The following RAB42 variants were observed in gnomAD, a reference collection of about 807,000 sequenced individuals.
RAB42 encodes ras-related protein Rab-42.
In RAB42, 4 loss-of-function variants were observed where a neutral mutation model predicts 7.5. The observed-to-expected ratio is 0.53, with a 90% confidence interval of 0.26 to 1.22. RAB42 has a LOEUF of 1.22. Ranked by LOEUF, RAB42 falls within the 50% of genes most tolerant of loss-of-function variation. The probability of loss-of-function intolerance (pLI) is 0.13; values close to 1 mark genes in which losing one functional copy is unlikely to be tolerated. For synonymous variants in RAB42, 82 were observed against 129.0 expected (o/e 0.64, Z 2.47); for missense variants, 208 against 281.2 (o/e 0.74, Z 1.86).
intron 1 of RAB42, 24 bp from the exon 2 acceptor site, chr1:28,593,670 C>G: frequency 6.6e-7 from 1 of 1,516,628 alleles, no homozygotes; most frequent in Non-Finnish European, 8.9e-7. Flanking sequence ...CCCAGCTTAC[C>G]TTTCCACCTC....
At position 28,594,156 on chromosome 1, in the gene RAB42, C is replaced by G; in HGVS notation, c.*39C>G. 1.3e-6 allele frequency: 2 copies of G among 1,515,014 alleles called. No individual in the cohort carries two copies. Among genetic ancestry groups the G allele is most frequent in the East Asian group, 4.6e-5 (2 of 43,878 alleles). The allele number at this position is 1,515,014 out of a possible 1,614,324, so 93.8% of individuals were successfully genotyped here. Reference sequence around the variant, plus strand: ...AGGGTTAAAGCAGTCCCAGCCTTAGCCCACCTGGTGGGATGGGGAGTGTTA... The same window carrying G: ...AGGGTTAAAGCAGTCCCAGCCTTAGGCCACCTGGTGGGATGGGGAGTGTTA... On this transcript the variant is annotated 3_prime_UTR_variant, in exon 2 of 2. Transcript: ENST00000465518.
chr1:28,593,318 C>T (rs1007620239), intron 1 of RAB42, among the ~76,000 whole-genome samples: 3 of 152,126 alleles, frequency 2.0e-5, no homozygotes. Flanking sequence ...ATTCTCCTGC[C>T]TCAGCCTCCC....
Position 28,592,532 on chromosome 1 carries a change from C to G in RAB42, c.21C>G (p.Arg7=). Residue 7 remains arginine (R), a synonymous_variant, in exon 1 of 2, where the codon CGC becomes CGG. Transcript: ENST00000465518. The surrounding 1 kb of genome is among the most constrained non-coding windows in gnomAD (Gnocchi z 4.1). ...CGGCCATGGAGGCCGAGGGCTGCCG[C>G]TACCAATTTCGGGTCGCGCTGCTGG... MEAEGC[R]YQFRVALLGD... is the part of the protein sequence containing the mutation. 8.3e-7 allele frequency: 1 copy of G among 1,211,798 alleles called. No individual in the cohort carries two copies. The highest frequency in any genetic ancestry group is 1.0e-6 in the Non-Finnish European group (1 of 975,132). 75.1% of individuals were successfully genotyped at this position (1,211,798 alleles called of 1,614,324 possible).
Sources: gnomAD v4.1 joint callset for allele counts (sites outside exome capture counted in the v4.1 genomes callset) on GRCh38, gnomAD v4.1.1 for gene constraint, Gnocchi (gnomAD v3.1) non-coding constraint, MANE v1.5 for transcripts, NCBI Gene and HGNC (gene_info 2026-07-23, HGNC 2026-07-21) for gene names.